The following SEMA6D variants were observed in gnomAD, a reference collection of about 807,000 sequenced individuals.
SEMA6D encodes semaphorin 6D.
SEMA6D carries 35 observed loss-of-function variants against 106.6 expected under a neutral mutation model. That is an observed-to-expected ratio of 0.33 (90% CI 0.25 to 0.44). SEMA6D has a LOEUF of 0.44. Among genes scored for constraint, SEMA6D ranks in the 20% least tolerant of loss-of-function variants. SEMA6D has a pLI of 1.00. For missense variants in SEMA6D, 1,185 were observed against 1,345.9 expected, an observed-to-expected ratio of 0.88 and a Z score of 1.87; for synonymous variants, 499 against 487.7, an observed-to-expected ratio of 1.02 and a Z score of -0.31.
rs561851728 is a variant in SEMA6D at position 47,553,104 on chromosome 15, A to G, written c.-86-47761A>G. On this transcript the variant is annotated intron_variant, in intron 3 of 19. Transcript: ENST00000558014. ...TTTTTATTAGAGACAGGGTTTCACT[A>G]TGTTGGCCAGGCTGGTCTCAAACTC... Among the ~76,000 whole-genome samples the G allele has an allele frequency of 8.0e-5, 12 of 150,324 alleles. No individual in the cohort carries two copies. In the East Asian group the frequency reaches 2.4e-3, roughly 30 times the overall value.
intron 4 of SEMA6D, among the ~76,000 whole-genome samples, chr15:47,696,660 C>A (rs189432108): frequency 6.6e-6 from 1 of 152,060 alleles, no homozygotes; most frequent in African/African-American, 2.4e-5. Flanking sequence ...GGGACAGGGG[C>A]GTGGGGATTG....
intron 3 of SEMA6D, among the ~76,000 whole-genome samples, chr15:47,493,715 C>T (rs1163390387): frequency 6.6e-6 from 1 of 152,098 alleles, no homozygotes; most frequent in Non-Finnish European, 1.5e-5. Context: ...AAAATTACTA[C>T]AATCTCTTGT....
intron 1 of SEMA6D, chr15:47,730,659 G>T: frequency 6.2e-7 from 1 of 1,607,280 alleles, no homozygotes; most frequent in Non-Finnish European, 8.5e-7. Context: ...AGCTTATGCA[G>T]CTCGCTGTTT....
intron 4 of SEMA6D, among the ~76,000 whole-genome samples, chr15:47,603,195 G>A (rs2076699926): frequency 2.0e-5 from 3 of 152,090 alleles, no homozygotes; most frequent in Admixed American, 2.0e-4. Flanking sequence ...GCAATCTGAT[G>A]TCAATGGCTC....
At chr15:47,539,642 C>A (rs2045293114) in intron 3 of SEMA6D, among the ~76,000 whole-genome samples, 1 of 152,090 alleles carries the variant, frequency 6.6e-6, no homozygotes, top group African/African-American at 2.4e-5. Flanking sequence ...CCAGGATGGT[C>A]TCGATCTCTT....
intron 1 of SEMA6D, among the ~76,000 whole-genome samples, chr15:47,369,144 C>T (rs2039174280): frequency 6.6e-6 from 1 of 152,136 alleles, no homozygotes; most frequent in African/African-American, 2.4e-5. Context: ...AATGAAAGGG[C>T]ATTTAAGTGG....
intron 1 of SEMA6D, among the ~76,000 whole-genome samples, chr15:47,304,702 C>T (rs2036167622): frequency 6.6e-6 from 1 of 152,076 alleles, no homozygotes; most frequent in African/African-American, 2.4e-5. Flanking sequence ...GCTAGAAAGT[C>T]TCTTGTTCTG....
intron 3 of SEMA6D, among the ~76,000 whole-genome samples, chr15:47,536,562 G>T (rs2045173644): frequency 6.6e-6 from 1 of 152,150 alleles, no homozygotes; most frequent in South Asian, 2.1e-4. Context: ...GAGGGTCTAG[G>T]TGTGTACAAA....
At chr15:47,186,997 A>G (rs563927584) in intron 1 of SEMA6D, among the ~76,000 whole-genome samples, 13 of 151,792 alleles carry the variant, frequency 8.6e-5, no homozygotes, top group Non-Finnish European at 1.5e-5. Context: ...AAACTTGTTC[A>G]TAAAGAAAAA....
intron 1 of SEMA6D, among the ~76,000 whole-genome samples, chr15:47,356,096 C>A (rs1401788168): frequency 6.6e-6 from 1 of 152,202 alleles, no homozygotes; most frequent in Non-Finnish European, 1.5e-5. Flanking sequence ...AGTCTTCCCT[C>A]TTTTGTTTTT....
intron 4 of SEMA6D, among the ~76,000 whole-genome samples, chr15:47,638,463 A>G (rs540195334): frequency 6.6e-6 from 1 of 152,338 alleles, no homozygotes; most frequent in South Asian, 2.1e-4. Context: ...AATAAAACAG[A>G]TACTAGCACC....
chr15:47,715,223 G>A (rs2079088482), upstream of SEMA6D, among the ~76,000 whole-genome samples: 2 of 152,154 alleles, frequency 1.3e-5, no homozygotes, highest in Admixed American at 1.3e-4. Context: ...TCTGGGTAAT[G>A]CTAGCATCTA....
intron 1 of SEMA6D, among the ~76,000 whole-genome samples, chr15:47,202,834 C>T (rs1416978534): frequency 1.3e-5 from 2 of 152,050 alleles, no homozygotes; most frequent in African/African-American, 4.8e-5. Context: ...TAGCTGGTAA[C>T]AATTACACTT....
chr15:47,367,715 CACACACACACACAG>C (rs1313887652), intron 1 of SEMA6D, among the ~76,000 whole-genome samples: 7 of 121,750 alleles, frequency 5.7e-5, no homozygotes, highest in African/African-American at 3.5e-4. Context: ...CACACACACA[CACACACACACACAG>C]AGAGAGAGAA....
intron 1 of SEMA6D, among the ~76,000 whole-genome samples, chr15:47,272,340 T>C (rs1326433892): frequency 6.6e-6 from 1 of 152,204 alleles, no homozygotes; most frequent in Non-Finnish European, 1.5e-5. Flanking sequence ...AGTTTGCCTA[T>C]GTATCTCTTA....
upstream of SEMA6D, among the ~76,000 whole-genome samples, chr15:47,715,724 T>C (rs537187695): frequency 7.2e-5 from 11 of 152,342 alleles, no homozygotes; most frequent in South Asian, 1.2e-3. Context: ...GGTGGCACTC[T>C]GGAAAGCTGA....
At chr15:47,544,317 C>G (rs1596285838) in intron 3 of SEMA6D, among the ~76,000 whole-genome samples, 1 of 152,160 alleles carries the variant, frequency 6.6e-6, no homozygotes, top group South Asian at 2.1e-4. Context: ...GCATGGGAAC[C>G]TTTGGGTTAA....
chr15:47,254,331 G>A (rs2899410), intron 1 of SEMA6D, among the ~76,000 whole-genome samples: 60,559 of 138,714 alleles, frequency 0.44, 14,889 homozygotes, highest in Non-Finnish European at 0.56. Context: ...GTGTGTGTGT[G>A]TATATATATA....
chr15:47,425,640 T>G (rs2041307472), intron 2 of SEMA6D, among the ~76,000 whole-genome samples: 1 of 151,946 alleles, frequency 6.6e-6, no homozygotes. Flanking sequence ...GAAATTTGTT[T>G]CACTGTGCCT....
Sources: allele counts gnomAD v4.1 joint callset (sites outside exome capture counted in the v4.1 genomes callset), GRCh38; gene constraint gnomAD v4.1.1; transcripts MANE v1.5; gene names NCBI Gene and HGNC (gene_info 2026-07-23, HGNC 2026-07-21).